The following RIMBP2 variants were observed in gnomAD, a reference collection of about 807,000 sequenced individuals.
RIMBP2 encodes the protein RIMS binding protein 2.
A neutral mutation model predicts 118.6 loss-of-function variants in RIMBP2; 48 were observed. The ratio of observed to expected loss-of-function variants is 0.40; its 90% confidence interval spans 0.32 to 0.51. The LOEUF is 0.51. Among genes scored for constraint, RIMBP2 ranks in the 20% least tolerant of loss-of-function variants. The pLI, the probability that RIMBP2 is intolerant of heterozygous loss-of-function variation, is 0.41. For missense variants in RIMBP2, 1,551 were observed against 1,768.3 expected (o/e 0.88, Z 2.20); for synonymous variants, 762 against 742.9 (o/e 1.03, Z -0.42).
At chr12:130,502,534 T>G (rs1301703161) in intron 4 of RIMBP2, among the ~76,000 whole-genome samples, 1 of 152,038 alleles carries the variant, frequency 6.6e-6, no homozygotes, top group Non-Finnish European at 1.5e-5. Flanking sequence ...TGCTCCTCCC[T>G]GAACACTGAC....
rs963761102 is a variant in RIMBP2 at position 130,617,831 on chromosome 12, G to T, written c.-217+10491C>A. On this transcript the variant is annotated intron_variant, in intron 2 of 22. Coordinates refer to ENST00000690449, the MANE Select transcript of RIMBP2 (RefSeq NM_001393629.1). The surrounding 1 kb of genome is among the most constrained non-coding windows in gnomAD (Gnocchi z 4.6). ...ACTTAGAGATGTTGTCCAATCATTGGAAAACTTTGATTGCATCAGCTGATT... is the reference window on the plus strand; with the variant it reads ...ACTTAGAGATGTTGTCCAATCATTGTAAAACTTTGATTGCATCAGCTGATT... Among the ~76,000 whole-genome samples, 1 of 152,094 alleles carries T rather than the reference G, an allele frequency of 6.6e-6. No individual in the cohort carries two copies. The highest frequency in any genetic ancestry group is 1.5e-5 in the Non-Finnish European group (1 of 68,020).
chr12:130,647,914 T>G (rs985802393), intron 1 of RIMBP2, among the ~76,000 whole-genome samples: 1 of 137,500 alleles, frequency 7.3e-6, no homozygotes, highest in Non-Finnish European at 1.7e-5. Context: ...AATGCCTCTC[T>G]TTCTCATGCT....
At chr12:130,443,207 A>C (rs77796279) in intron 10 of RIMBP2, among the ~76,000 whole-genome samples, 3,777 of 152,234 alleles carry the variant, frequency 0.025, 60 homozygotes, top group Non-Finnish European at 0.034. Flanking sequence ...GATGTGAAAC[A>C]AAACTATCAA....
chr12:130,431,442 C>A lies in RIMBP2; in HGVS notation c.2254-3105G>T. The A allele has an allele frequency of 2.4e-6, 1 of 411,516 alleles. No homozygotes were observed. The highest frequency in any genetic ancestry group is 1.8e-5 in the South Asian group (1 of 55,968). The allele number at this position is 411,516 out of a possible 1,614,324, so 25.5% of individuals were successfully genotyped here. On this transcript the variant is annotated intron_variant, in intron 14 of 22. Coordinates refer to ENST00000690449, the MANE Select transcript of RIMBP2 (RefSeq NM_001393629.1). The surrounding 1 kb of genome is among the most constrained non-coding windows in gnomAD (Gnocchi z 4.0). Reference sequence around the variant, plus strand: ...TGTCATGATGCGTCACCTAGCCAGACGCCATCTGTATGATTAATGAATGTA... The same window carrying A: ...TGTCATGATGCGTCACCTAGCCAGAAGCCATCTGTATGATTAATGAATGTA...
At chr12:130,491,523 C>T (rs923122646) in intron 4 of RIMBP2, among the ~76,000 whole-genome samples, 5 of 152,236 alleles carry the variant, frequency 3.3e-5, no homozygotes, top group African/African-American at 4.8e-5. Context: ...CAGGCCACCA[C>T]GCACACTGTT....
chr12:130,610,099 G>T (rs1166725716), intron 2 of RIMBP2, among the ~76,000 whole-genome samples: 3 of 150,764 alleles, frequency 2.0e-5, no homozygotes, highest in Non-Finnish European at 4.4e-5. Context: ...ATCACGGGGG[G>T]AAAATGGGAA....
Position 130,617,401 on chromosome 12 carries a change from C to A in RIMBP2, c.-217+10921G>T, listed in dbSNP as rs1213296139. Among the ~76,000 whole-genome samples, 2 of 152,240 alleles carry A rather than the reference C, an allele frequency of 1.3e-5. No homozygotes were observed. The highest frequency in any genetic ancestry group is 6.5e-5 in the Admixed American group (1 of 15,288). ...AGGAGTGAGTCACCATCTCCCTTCA[C>A]CAGACTCCATTTTTTTCCTAGCACA... On this transcript the variant is annotated intron_variant, in intron 2 of 22. Coordinates refer to ENST00000690449, the MANE Select transcript of RIMBP2 (RefSeq NM_001393629.1). This position sits in a 1 kb window ranked among gnomAD's most constrained non-coding sequence, Gnocchi z 4.6.
rs1166830482 is a variant in RIMBP2, at chr12:130,703,172, G to A, written c.-352+13050C>T. Among the ~76,000 whole-genome samples the A allele has an allele frequency of 6.6e-6, 1 of 151,992 alleles. No individual in the cohort carries two copies. Among genetic ancestry groups the A allele is most frequent in the Non-Finnish European group, 1.5e-5 (1 of 68,004 alleles). ...ATAATTGCAGTTGCCAAAGTGGTCC[G>A]GCCTCCTAGCATGGGGGCAGCCAAT... On this transcript the variant is annotated intron_variant, in intron 1 of 22. Coordinates refer to ENST00000690449, the MANE Select transcript of RIMBP2 (RefSeq NM_001393629.1). The surrounding 1 kb of genome is among the most constrained non-coding windows in gnomAD (Gnocchi z 5.7).
chr12:130,414,081 G>A (rs1157628890), intron 18 of RIMBP2, 44 bp downstream of exon 18: 3 of 1,601,352 alleles, frequency 1.9e-6, no homozygotes, highest in South Asian at 1.1e-5. Context: ...ACCCAGACCC[G>A]CCTCAGGGGC....
At chr12:130,555,285 G>T (rs1034803837) in intron 2 of RIMBP2, among the ~76,000 whole-genome samples, 2 of 152,038 alleles carry the variant, frequency 1.3e-5, no homozygotes, top group African/African-American at 4.8e-5. Context: ...AGGAAAAAAT[G>T]GTAAATTTAA....
rs1224535325 is a variant in RIMBP2 at position 130,424,720 on chromosome 12, G to C, written c.2551C>G (p.Gln851Glu). The change falls in exon 16 of 23, where the codon CAG becomes GAG. Residue 851 changes from glutamine to glutamate, a missense_variant. Gln to Glu is a conservative substitution (Grantham distance 29, BLOSUM62 2). Around this residue, in one of 5 missense-constraint regions of RIMBP2, gnomAD observed 1,038 missense variants for 1,125.1 expected, o/e 0.92. Coordinates refer to ENST00000690449, the MANE Select transcript of RIMBP2 (RefSeq NM_001393629.1). This position sits in a 1 kb window ranked among gnomAD's most constrained non-coding sequence, Gnocchi z 9.8. The stretch of plus-strand genomic sequence containing the variant: ...GCCCTGGGGGACGGCCCTGCACCCT[G>C]CTTGTGTAGCAGCCCACAGCACTCT... ...DGECCGLLHKQGAGPSPRART... is the reference protein window; with the variant it reads ...DGECCGLLHKEGAGPSPRART... 8.1e-7 allele frequency: 1 copy of C among 1,232,128 alleles called. No individual in the cohort carries two copies. Among genetic ancestry groups the C allele is most frequent in the Non-Finnish European group, 1.0e-6 (1 of 988,056 alleles). 76.3% of individuals were successfully genotyped at this position (1,232,128 alleles called of 1,614,324 possible).
intron 4 of RIMBP2, among the ~76,000 whole-genome samples, chr12:130,479,381 A>G (rs1390581074): frequency 6.6e-6 from 1 of 152,146 alleles, no homozygotes; most frequent in East Asian, 1.9e-4. Context: ...TATAACAGCA[A>G]AGGCTTATTG....
At chr12:130,666,612 G>A (rs913730608) in intron 1 of RIMBP2, among the ~76,000 whole-genome samples, 10 of 151,802 alleles carry the variant, frequency 6.6e-5, no homozygotes, top group Middle Eastern at 3.2e-3. Flanking sequence ...ACAGATCCTG[G>A]CACATAGAGA....
chr12:130,574,094 C>T (rs543131874), intron 2 of RIMBP2, among the ~76,000 whole-genome samples: 58 of 152,230 alleles, frequency 3.8e-4, no homozygotes, highest in African/African-American at 1.4e-3. Flanking sequence ...CTTACTTTCC[C>T]CCCTTCAGAG....
At chr12:130,407,919 T>C (rs1054871605) in intron 19 of RIMBP2, 90 bp from the exon 20 acceptor site, 2 of 1,156,948 alleles carry the variant, frequency 1.7e-6, no homozygotes, top group Non-Finnish European at 2.6e-6. Context: ...ACATGGCCAA[T>C]ACAGCCGAGA....
At chr12:130,449,073 C>A (rs1023754352) in intron 9 of RIMBP2, among the ~76,000 whole-genome samples, 5 of 152,194 alleles carry the variant, frequency 3.3e-5, no homozygotes, top group Non-Finnish European at 7.3e-5. Flanking sequence ...ACTCTGGCTG[C>A]CCGATGCCAG....
At chr12:130,428,843 A>G (rs1208217483) in intron 14 of RIMBP2, 1 of 152,622 alleles carries the variant, frequency 6.6e-6, no homozygotes, top group Non-Finnish European at 1.5e-5. Flanking sequence ...CACGCCTGTA[A>G]TCCCAGCACT....
rs552985375 is a variant in RIMBP2 at position 130,532,599 on chromosome 12, G to A, written c.-216-14682C>T. On this transcript the variant is annotated intron_variant, in intron 2 of 22. Transcript: ENST00000690449. The stretch of plus-strand genomic sequence containing the variant: ...CGTATGTTTAGCCTCTAGGAGTTAC[G>A]TCTAATGAGATGCGTATGCTTAGCC... Among the ~76,000 whole-genome samples the A allele has an allele frequency of 1.2e-4, 17 of 144,580 alleles. 1 individual carries two copies. Among genetic ancestry groups the A allele is most frequent in the South Asian group, 2.3e-4 (1 of 4,264 alleles). The allele number at this position is 144,580 out of a possible 152,430, so 94.9% of individuals were successfully genotyped here. A position where few individuals can be genotyped will look rare whatever the true frequency, so the allele number is the denominator to read the frequency against.
chr12:130,467,951 T>C (rs10773784), intron 6 of RIMBP2, among the ~76,000 whole-genome samples: 146,713 of 152,274 alleles, frequency 0.96, 70,889 homozygotes, highest in East Asian at 1. Flanking sequence ...TTATGTAACA[T>C]GTGTTCTGGG....
Sources: allele counts gnomAD v4.1 joint callset (sites outside exome capture counted in the v4.1 genomes callset), GRCh38; gene constraint gnomAD v4.1.1; regional missense constraint gnomAD v4.1.1; non-coding constraint Gnocchi (gnomAD v3.1); transcripts MANE v1.5; gene names NCBI Gene and HGNC (gene_info 2026-07-23, HGNC 2026-07-21).